TMEM59L: variants seen among roughly 807,000 people sequenced by gnomAD.
TMEM59L encodes transmembrane protein 59 like.
In TMEM59L, 31 loss-of-function variants were observed where a neutral mutation model predicts 39.6. That is an observed-to-expected ratio of 0.78 (90% confidence interval 0.59 to 1.06). TMEM59L has a LOEUF of 1.06. Ranked by LOEUF, TMEM59L falls within the 50% of genes least tolerant of loss-of-function variation. The pLI, the probability that TMEM59L is intolerant of heterozygous loss-of-function variation, is 0.00. For missense variants in TMEM59L, 441 were observed against 451.3 expected, an observed-to-expected ratio of 0.98 and a Z score of 0.21; for synonymous variants, 219 against 202.9, an observed-to-expected ratio of 1.08 and a Z score of -0.68.
intron 3 of TMEM59L, among the ~76,000 whole-genome samples, chr19:18,615,758 C>T (rs956759993): frequency 5.3e-5 from 8 of 152,188 alleles, no homozygotes; most frequent in African/African-American, 1.9e-4. Flanking sequence ...CAGGCGTGCG[C>T]CATCATGCCT....
At chr19:18,619,369 G>T (rs974316743) in intron 7 of TMEM59L, among the ~76,000 whole-genome samples, 8 of 152,198 alleles carry the variant, frequency 5.3e-5, no homozygotes, top group Admixed American at 1.3e-4. Flanking sequence ...ACTCTTAGTT[G>T]GGGCGACATG....
At chr19:18,619,938 A>G (rs964362600) in intron 7 of TMEM59L, among the ~76,000 whole-genome samples, 3 of 150,790 alleles carry the variant, frequency 2.0e-5, no homozygotes, top group African/African-American at 7.3e-5. Flanking sequence ...TGATGGCACC[A>G]CTATACTCCA....
At chr19:18,613,219 CAGG>C in intron 1 of TMEM59L, 90 bp downstream of exon 1, 1 of 1,210,136 alleles carries the variant, frequency 8.3e-7, no homozygotes, top group Non-Finnish European at 1.0e-6. Context: ...TGGATGACAG[CAGG>C]AGACTTTGGT....
At chr19:18,618,862 T>A (rs915643686) in intron 7 of TMEM59L, among the ~76,000 whole-genome samples, 5 of 151,338 alleles carry the variant, frequency 3.3e-5, no homozygotes, top group Non-Finnish European at 5.9e-5. Flanking sequence ...ACCCAGCTAA[T>A]TTTTGTATTT....
chr19:18,613,279 C>T, intron 1 of TMEM59L, 150 bp downstream of exon 1: 1 of 874,112 alleles, frequency 1.1e-6, no homozygotes. Context: ...GAGATCTCTC[C>T]AGTAGTTGAC....
intron 3 of TMEM59L, among the ~76,000 whole-genome samples, chr19:18,614,988 T>A (rs1171842125): frequency 6.6e-6 from 1 of 152,118 alleles, no homozygotes; most frequent in Non-Finnish European, 1.5e-5. Flanking sequence ...TCTTATTTAT[T>A]TATTTATTTT....
intron 3 of TMEM59L, 33 bp from the exon 4 acceptor site, chr19:18,615,942 G>T (rs779764699): frequency 6.2e-7 from 1 of 1,607,128 alleles, no homozygotes; most frequent in Non-Finnish European, 8.5e-7. Context: ...CTATTTCGGT[G>T]CCATCTTTGT....
Position 18,619,154 on chromosome 19 carries a change from G to T in TMEM59L, c.900+662G>T, listed in dbSNP as rs145833112. ...CCACAGTCACGTGCCACCATGCCCC[G>T]CTAATTTTTGTATTTTTTGTAGAGA... is the stretch of plus-strand genomic sequence containing the variant. On this transcript the variant is annotated intron_variant, in intron 7 of 7. Transcript: ENST00000262817. Among the ~76,000 whole-genome samples the T allele has an allele frequency of 2.3e-3, 351 of 151,952 alleles. 1 individual carries two copies. Among genetic ancestry groups the T allele is most frequent in the African/African-American group, 7.9e-3 (329 of 41,448 alleles).
At position 18,614,144 on chromosome 19, in the gene TMEM59L, C is replaced by A; in HGVS notation, c.357C>A (p.Ala119=). 1 of 1,609,640 alleles carries A rather than the reference C, an allele frequency of 6.2e-7. No individual in the cohort carries two copies. Among genetic ancestry groups the A allele is most frequent in the Non-Finnish European group, 8.5e-7 (1 of 1,178,982 alleles). Reference sequence around the variant, plus strand: ...ATGTGAAGGAGGCAGAGCAGCAGGCCTGTAGCCACGGCTGCTGGAGCCAGC... The same window carrying A: ...ATGTGAAGGAGGCAGAGCAGCAGGCATGTAGCCACGGCTGCTGGAGCCAGC... ...EAYVKEAEQQ[A]CSHGCWSQPA... Residue 119 remains alanine (A), a synonymous_variant, in exon 3 of 8, where the codon GCC becomes GCA. Transcript: ENST00000262817.
rs577762498 is a variant in TMEM59L, at chr19:18,612,920, G to A, written c.-39G>A. On this transcript the variant is annotated 5_prime_UTR_variant, in exon 1 of 8. Transcript: ENST00000262817. The surrounding 1 kb of genome is among the most constrained non-coding windows in gnomAD (Gnocchi z 6.2). Reference sequence around the variant, plus strand: ...CCGCTGCATCCTCCGTGCCCGGCCTGAGCTGGAGTCCCCCGCGCCCCCCGC... The same window carrying A: ...CCGCTGCATCCTCCGTGCCCGGCCTAAGCTGGAGTCCCCCGCGCCCCCCGC... 351 of 1,281,638 alleles carry A rather than the reference G, an allele frequency of 2.7e-4. 2 individuals carry two copies. Among genetic ancestry groups the A allele is most frequent in the Middle Eastern group, 6.1e-4 (2 of 3,272 alleles). 79.4% of individuals were successfully genotyped at this position (1,281,638 alleles called of 1,614,324 possible).
Position 18,617,115 on chromosome 19 carries a change from C to A in TMEM59L, c.664+13C>A. On this transcript the variant is annotated intron_variant, in intron 5 of 7. Coordinates refer to ENST00000262817, the MANE Select transcript of TMEM59L (RefSeq NM_012109.3). ...GAGGTGCACGTGGGTAAGGTGCAAC[C>A]TAGACCAGTGTTCCTTCCATGGGTG... is the stretch of plus-strand genomic sequence containing the variant. The A allele has an allele frequency of 1.2e-6, 2 of 1,605,438 alleles. No homozygotes were observed. Among genetic ancestry groups the A allele is most frequent in the South Asian group, 1.1e-5 (1 of 90,908 alleles).
At chr19:18,618,100 A>C in intron 5 of TMEM59L, 55 bp from the exon 6 acceptor site, 2 of 1,348,152 alleles carry the variant, frequency 1.5e-6, no homozygotes, top group Non-Finnish European at 2.1e-6. Context: ...GGTCATGGTT[A>C]TTGTGGCCTC....
chr19:18,619,923 A>G (rs1017212082), intron 7 of TMEM59L, among the ~76,000 whole-genome samples: 2 of 151,284 alleles, frequency 1.3e-5, no homozygotes, highest in Non-Finnish European at 2.9e-5. Flanking sequence ...AGCTGCAGTG[A>G]GCTGTGATGG....
At chr19:18,617,651 T>A (rs767002407) in intron 5 of TMEM59L, 1 of 455,130 alleles carries the variant, frequency 2.2e-6, no homozygotes, top group Non-Finnish European at 4.4e-6. Context: ...ATGGTTCATC[T>A]CTTAGGATTC....
chr19:18,613,910 A>C lies in TMEM59L; in HGVS notation c.210A>C (p.Arg70Ser), dbSNP rs1976398909. ...GCGCCTCCGAGTCTCCCTATGACAG[A>C]GCCGTTCTGATCAGCGCTTGCGAGC... ...LEGASESPYD[R>S]AVLISACERG... Residue 70 changes from arginine (R) to serine (S), a missense_variant, in exon 2 of 8, where the codon AGA (arginine) becomes AGC (serine). Arg to Ser is a moderately radical substitution (Grantham distance 110, BLOSUM62 -1). Coordinates refer to ENST00000262817, the MANE Select transcript of TMEM59L (RefSeq NM_012109.3). 2 of 1,612,818 alleles carry C rather than the reference A, an allele frequency of 1.2e-6. No homozygotes were observed. The highest frequency in any genetic ancestry group is 1.7e-6 in the Non-Finnish European group (2 of 1,179,986).
Position 18,613,078 on chromosome 19 carries a change from G to A in TMEM59L, c.120G>A (p.Gln40=). The change falls in exon 1 of 8, where the codon CAG becomes CAA. Residue 40 remains glutamine (Q), a synonymous_variant. Transcript: ENST00000262817. ...DPFAPQLGDT[Q]NCQLRCRDRD... The stretch of plus-strand genomic sequence containing the variant: ...TCGCCCCCCAGCTCGGGGACACGCA[G>A]AACTGCCAGCTGCGGTGCCGCGACC... The A allele has an allele frequency of 7.4e-7, 1 of 1,359,060 alleles. No individual in the cohort carries two copies. The highest frequency in any genetic ancestry group is 9.4e-7 in the Non-Finnish European group (1 of 1,058,584). 84.2% of individuals were successfully genotyped at this position (1,359,060 alleles called of 1,614,324 possible). A position where few individuals can be genotyped will look rare whatever the true frequency, so the allele number is the denominator to read the frequency against.
rs756450402 is a variant in TMEM59L, at chr19:18,617,033, G to A, written c.595G>A (p.Gly199Arg). 6.2e-7 allele frequency: 1 copy of A among 1,612,924 alleles called. No homozygotes were observed. The highest frequency in any genetic ancestry group is 1.1e-5 in the South Asian group (1 of 91,060). The part of the protein sequence containing the change: ...QPIVESLGFQ[G>R]GRLQRVEVTW... ...CATAGTGGAGAGCCTCGGCTTCCAG[G>A]GGGGCCGTCTGCAGCGCGTGGAGGT... Residue 199 changes from glycine to arginine, a missense_variant, in exon 5 of 8, where the codon GGG (glycine) becomes AGG (arginine). By Grantham distance (125) the Gly-to-Arg change is moderately radical (BLOSUM62 -2). Transcript: ENST00000262817.
intron 5 of TMEM59L, chr19:18,617,496 G>C (rs763810583): frequency 2.2e-6 from 1 of 462,558 alleles, no homozygotes; most frequent in Non-Finnish European, 4.3e-6. Flanking sequence ...TCACTTTCCA[G>C]GGTTCTGTGG....
chr19:18,617,100 T>G lies in TMEM59L; in HGVS notation c.662T>G (p.Val221Gly). Residue 221 changes from valine to glycine, a missense_variant and splice_region_variant, in exon 5 of 8, where the codon GTG (valine) becomes GGG (glycine). By Grantham distance (109) the Val-to-Gly change is moderately radical. Coordinates refer to ENST00000262817, the MANE Select transcript of TMEM59L (RefSeq NM_012109.3). ...CACCCTGAAGCCCTGGAGGTGCACG[T>G]GGGTAAGGTGCAACCTAGACCAGTG... ...GSHPEALEVH[V>G]DPVGPLDKVR... 1 of 1,612,448 alleles carries G rather than the reference T, an allele frequency of 6.2e-7. No homozygotes were observed. The highest frequency in any genetic ancestry group is 8.5e-7 in the Non-Finnish European group (1 of 1,179,110).
Sources: gnomAD v4.1 joint callset for allele counts (sites outside exome capture counted in the v4.1 genomes callset) on GRCh38, gnomAD v4.1.1 for gene constraint, Gnocchi (gnomAD v3.1) non-coding constraint, MANE v1.5 for transcripts, NCBI Gene and HGNC (gene_info 2026-07-23, HGNC 2026-07-21) for gene names.